SMYD3: variants seen among roughly 807,000 people sequenced by gnomAD.
SMYD3 encodes histone-lysine N-methyltransferase SMYD3.
Under a neutral mutation model 57.7 loss-of-function variants are expected in SMYD3, and 36 were observed. The ratio of observed to expected loss-of-function variants is 0.62; its 90% confidence interval spans 0.48 to 0.82. SMYD3 has a LOEUF of 0.82. Ranked by LOEUF, SMYD3 falls within the 40% of genes least tolerant of loss-of-function variation. The pLI, the probability that SMYD3 is intolerant of heterozygous loss-of-function variation, is 0.00. For missense variants in SMYD3, 515 were observed against 538.8 expected, an observed-to-expected ratio of 0.96 and a Z score of 0.44; for synonymous variants, 211 against 195.0, an observed-to-expected ratio of 1.08 and a Z score of -0.68.
intron 5 of SMYD3, among the ~76,000 whole-genome samples, chr1:246,261,071 T>TG (rs2064000948): frequency 6.8e-6 from 1 of 147,790 alleles, no homozygotes; most frequent in Non-Finnish European, 1.5e-5. Context: ...TTGTTGTTGT[T>TG]TATTTGAGAC....
At chr1:246,014,293 G>C (rs904532902) in intron 5 of SMYD3, among the ~76,000 whole-genome samples, 15 of 152,222 alleles carry the variant, frequency 9.9e-5, no homozygotes, top group African/African-American at 3.6e-4. Context: ...TTGCACTCCA[G>C]GCTGGGTGAA....
At chr1:246,415,380 G>A (rs147298104) in intron 1 of SMYD3, among the ~76,000 whole-genome samples, 16 of 152,130 alleles carry the variant, frequency 1.1e-4, no homozygotes, top group African/African-American at 3.6e-4. Flanking sequence ...AATGTATATC[G>A]TACTTACCAC....
chr1:246,411,102 T>C (rs1474448541), intron 1 of SMYD3, among the ~76,000 whole-genome samples: 4 of 152,142 alleles, frequency 2.6e-5, no homozygotes, highest in Non-Finnish European at 5.9e-5. Context: ...ATTTTGTTGA[T>C]CTTTTCAAAA....
rs183509208 is a variant in SMYD3 at position 245,823,632 on chromosome 1, T to C, written c.1076+34864A>G. On this transcript the variant is annotated intron_variant, in intron 10 of 11. Transcript: ENST00000490107. The stretch of plus-strand genomic sequence containing the variant: ...TCTCACAGTTCCAACTTCCACCTTG[T>C]TGACTCTCTCTCATCTGTTTTTCCC... Among the ~76,000 whole-genome samples the C allele has an allele frequency of 2.1e-4, 32 of 152,348 alleles. No homozygotes were observed. In the East Asian group the frequency reaches 2.5e-3, roughly 12 times the overall value.
intron 7 of SMYD3, 23 bp downstream of exon 7, chr1:245,927,908 C>G: frequency 6.3e-7 from 1 of 1,590,206 alleles, no homozygotes. Flanking sequence ...GAAGGCCAGG[C>G]TGGGAAGCAT....
chr1:245,977,214 A>T (rs2058467611), intron 5 of SMYD3, among the ~76,000 whole-genome samples: 1 of 152,196 alleles, frequency 6.6e-6, no homozygotes, highest in Non-Finnish European at 1.5e-5. Context: ...CAAACATTTC[A>T]ATGGTTTTCT....
At chr1:246,048,831 G>T (rs2060013482) in intron 5 of SMYD3, among the ~76,000 whole-genome samples, 1 of 151,670 alleles carries the variant, frequency 6.6e-6, no homozygotes, top group Admixed American at 6.6e-5. Flanking sequence ...AAGTCACAAA[G>T]TAATGTCTGT....
intron 5 of SMYD3, among the ~76,000 whole-genome samples, chr1:246,112,397 C>T (rs763299387): frequency 5.3e-5 from 8 of 152,092 alleles, no homozygotes; most frequent in East Asian, 3.9e-4. Flanking sequence ...TCTTATAAAT[C>T]GATGTTAAAA....
At chr1:246,305,221 T>C (rs2064959765) in intron 5 of SMYD3, among the ~76,000 whole-genome samples, 1 of 152,070 alleles carries the variant, frequency 6.6e-6, no homozygotes, top group Non-Finnish European at 1.5e-5. Context: ...AGTGAAACAA[T>C]GATTAAAGAT....
intron 5 of SMYD3, among the ~76,000 whole-genome samples, chr1:246,147,272 A>G (rs1054915161): frequency 6.6e-6 from 1 of 152,082 alleles, no homozygotes; most frequent in East Asian, 1.9e-4. Context: ...AGCAGCTTCG[A>G]TATTTATTGC....
At chr1:245,983,998 CTTTTTTT>C (rs534310953) in intron 5 of SMYD3, among the ~76,000 whole-genome samples, 3 of 134,464 alleles carry the variant, frequency 2.2e-5, no homozygotes, top group Non-Finnish European at 4.8e-5. Flanking sequence ...CAAGTCTACT[CTTTTTTT>C]TTTTTTTTTT....
At chr1:246,036,710 A>T (rs10924459) in intron 5 of SMYD3, among the ~76,000 whole-genome samples, 3 of 144,104 alleles carry the variant, frequency 2.1e-5, no homozygotes, top group Non-Finnish European at 3.0e-5. Flanking sequence ...CCTGCCACTA[A>T]GCCCGGCTAA....
intron 1 of SMYD3, among the ~76,000 whole-genome samples, chr1:246,391,020 C>G (rs574237790): frequency 4.9e-4 from 75 of 152,128 alleles, no homozygotes; most frequent in African/African-American, 1.7e-3. Flanking sequence ...CCAACCATAT[C>G]CAAAATTACA....
intron 1 of SMYD3, among the ~76,000 whole-genome samples, chr1:246,463,132 A>G (rs977512421): frequency 7.2e-5 from 11 of 152,182 alleles, no homozygotes; most frequent in Non-Finnish European, 1.0e-4. Flanking sequence ...TAACAATCTG[A>G]AGCCCTGAAC....
At chr1:246,029,979 C>T (rs1176461139) in intron 5 of SMYD3, among the ~76,000 whole-genome samples, 1 of 150,852 alleles carries the variant, frequency 6.6e-6, no homozygotes, top group Non-Finnish European at 1.5e-5. Flanking sequence ...TCCAGCAATC[C>T]CAGCACTGGG....
chr1:246,028,684 C>T (rs995774484), intron 5 of SMYD3, among the ~76,000 whole-genome samples: 4 of 152,084 alleles, frequency 2.6e-5, no homozygotes, highest in Admixed American at 6.6e-5. Context: ...TAATGTAATA[C>T]CTGTCAAAAT....
intron 10 of SMYD3, among the ~76,000 whole-genome samples, chr1:245,798,398 A>ACACATACACACACATACT (rs2047656563): frequency 1.3e-4 from 2 of 15,400 alleles, no homozygotes; most frequent in Admixed American, 1.9e-3. Context: ...GCGCACACAC[A>ACACATACACACACATACT]CACACACATA....
At chr1:246,190,584 CAAAAA>C (rs11302731) in intron 5 of SMYD3, among the ~76,000 whole-genome samples, 21 of 63,022 alleles carry the variant, frequency 3.3e-4, no homozygotes, top group African/African-American at 1.1e-3. Flanking sequence ...GACTCTGTCT[CAAAAA>C]AAAAAAAAAA....
chr1:246,335,337 C>T (rs188469078), intron 3 of SMYD3, 30 bp downstream of exon 3: 628 of 1,590,006 alleles, frequency 3.9e-4, no homozygotes, highest in Admixed American at 5.7e-4. Flanking sequence ...TAACCAAAAC[C>T]CAGCTATATT....
Sources: gnomAD v4.1 joint callset for allele counts (sites outside exome capture counted in the v4.1 genomes callset) on GRCh38, gnomAD v4.1.1 for gene constraint, MANE v1.5 for transcripts, NCBI Gene and HGNC (gene_info 2026-07-23, HGNC 2026-07-21) for gene names.